The following ZNF536 variants were observed in gnomAD, a reference collection of about 807,000 sequenced individuals.
The protein encoded by ZNF536 is zinc finger protein 536.
Under a neutral mutation model 84.5 loss-of-function variants are expected in ZNF536, and 13 were observed. The ratio of observed to expected loss-of-function variants is 0.15; its 90% CI spans 0.10 to 0.24. The LOEUF is 0.24. Ranked by LOEUF, ZNF536 falls within the 10% of genes least tolerant of loss-of-function variation. The pLI is 1.00. For missense variants in ZNF536, 1,536 were observed against 1,747.5 expected (o/e 0.88, Z 2.16); for synonymous variants, 811 against 742.5 (o/e 1.09, Z -1.50).
intron 1 of ZNF536, among the ~76,000 whole-genome samples, chr19:30,264,698 G>C (rs1331051012): frequency 6.6e-6 from 1 of 152,150 alleles, no homozygotes; most frequent in Non-Finnish European, 1.5e-5. Flanking sequence ...ACGTCTCACA[G>C]GGAAGTTTAA....
chr19:30,603,887 C>A (rs538155200), intron 1 of ZNF536, among the ~76,000 whole-genome samples: 6 of 152,208 alleles, frequency 3.9e-5, no homozygotes, highest in African/African-American at 1.4e-4. Flanking sequence ...ATCAGGAGTT[C>A]GAGACCAGCC....
intron 1 of ZNF536, among the ~76,000 whole-genome samples, chr19:30,666,170 A>G (rs1165596319): frequency 6.6e-6 from 1 of 152,152 alleles, no homozygotes; most frequent in Non-Finnish European, 1.5e-5. Flanking sequence ...TCGCTTGCTG[A>G]TCACGGCTCA....
chr19:30,643,788 C>G (rs2049358807), intron 1 of ZNF536, among the ~76,000 whole-genome samples: 1 of 152,108 alleles, frequency 6.6e-6, no homozygotes, highest in Non-Finnish European at 1.5e-5. Flanking sequence ...GTGGTGCTTA[C>G]ATCTCCCCCA....
At chr19:30,434,858 GATA>G (rs773950903) in intron 1 of ZNF536, among the ~76,000 whole-genome samples, 17 of 151,404 alleles carry the variant, frequency 1.1e-4, no homozygotes, top group Admixed American at 3.9e-4. Flanking sequence ...TGATGATGGT[GATA>G]ATGATGATGA....
At chr19:30,487,034 C>A (rs557459326) in intron 2 of ZNF536, among the ~76,000 whole-genome samples, 1 of 152,314 alleles carries the variant, frequency 6.6e-6, no homozygotes, top group South Asian at 2.1e-4. Flanking sequence ...GAAACTCCTG[C>A]CTGCCAGGGA....
In ZNF536 at chr19:30,443,549, C is replaced by G. The variant is rs553428691; in HGVS notation, c.-2-12C>G. The G allele has an allele frequency of 2.4e-5, 36 of 1,525,402 alleles. 1 individual carries two copies. In the South Asian group the frequency reaches 4.6e-4, roughly 20 times the overall value. The allele number at this position is 1,525,402 out of a possible 1,614,324, so 94.5% of individuals were successfully genotyped here. On this transcript the variant is annotated splice_polypyrimidine_tract_variant and intron_variant, in intron 1 of 4. Coordinates refer to ENST00000355537, the MANE Select transcript of ZNF536 (RefSeq NM_014717.3). ...CACCTGGCACGGATCTGAACTCTGC[C>G]TCTCTTTTCAGGGATGGAAGAAGCG...
chr19:30,375,311 G>A (rs1339029765), intron 1 of ZNF536, among the ~76,000 whole-genome samples: 2 of 151,402 alleles, frequency 1.3e-5, no homozygotes, highest in Non-Finnish European at 2.9e-5. Context: ...TCACCTTACG[G>A]AGGGGAGATA....
chr19:30,452,287 T>G (rs1189193103), intron 2 of ZNF536, among the ~76,000 whole-genome samples: 2 of 152,240 alleles, frequency 1.3e-5, no homozygotes, highest in Non-Finnish European at 2.9e-5. Flanking sequence ...GCCGCCCAGA[T>G]CCCTTCACTG....
chr19:30,242,574 G>A (rs2024012952), intron 1 of ZNF536, among the ~76,000 whole-genome samples: 1 of 152,148 alleles, frequency 6.6e-6, no homozygotes, highest in Non-Finnish European at 1.5e-5. Flanking sequence ...TCTCCACAAA[G>A]CAGGGTCCCT....
intron 2 of ZNF536, among the ~76,000 whole-genome samples, chr19:30,285,132 T>C (rs913941510): frequency 6.6e-6 from 1 of 152,264 alleles, no homozygotes; most frequent in Non-Finnish European, 1.5e-5. Context: ...AATAATAGTG[T>C]ACCATTATAT....
intron 2 of ZNF536, among the ~76,000 whole-genome samples, chr19:30,496,624 G>A (rs1008448094): frequency 2.6e-5 from 4 of 152,148 alleles, no homozygotes; most frequent in Admixed American, 2.6e-4. Flanking sequence ...TATGGGGAAA[G>A]GCAGCAGAGG....
intron 1 of ZNF536, among the ~76,000 whole-genome samples, chr19:30,673,173 G>GC (rs2050623241): frequency 6.6e-6 from 1 of 152,176 alleles, no homozygotes; most frequent in East Asian, 1.9e-4. Flanking sequence ...AGCTGTTCCA[G>GC]CCCGCCTAGG....
intron 1 of ZNF536, among the ~76,000 whole-genome samples, chr19:30,258,169 T>C (rs2025008183): frequency 6.6e-6 from 1 of 152,232 alleles, no homozygotes; most frequent in Non-Finnish European, 1.5e-5. Context: ...TAGTTGGCCA[T>C]GGAGACGTCA....
intron 2 of ZNF536, among the ~76,000 whole-genome samples, chr19:30,466,483 G>A (rs938244672): frequency 6.6e-6 from 1 of 151,646 alleles, no homozygotes; most frequent in Non-Finnish European, 1.5e-5. Flanking sequence ...AGGATTGCTT[G>A]AGCCCAGGAG....
chr19:30,250,976 A>G (rs747354241), intron 1 of ZNF536, among the ~76,000 whole-genome samples: 1 of 151,810 alleles, frequency 6.6e-6, no homozygotes, highest in Non-Finnish European at 1.5e-5. Flanking sequence ...TGGTCTGTCC[A>G]TGATGTTACA....
At chr19:30,674,136 A>C (rs2050667296) in intron 1 of ZNF536, among the ~76,000 whole-genome samples, 1 of 152,192 alleles carries the variant, frequency 6.6e-6, no homozygotes, top group South Asian at 2.1e-4. Flanking sequence ...GAGCTGAGGC[A>C]CTCGGAAATA....
intron 1 of ZNF536, among the ~76,000 whole-genome samples, chr19:30,710,357 C>T (rs2052413959): frequency 6.6e-6 from 1 of 152,140 alleles, no homozygotes; most frequent in South Asian, 2.1e-4. Flanking sequence ...GCCTAGGCAA[C>T]ATAGCGAGAT....
Position 30,295,280 on chromosome 19 carries a change from G to A in ZNF536, c.-120+11139G>A, listed in dbSNP as rs58371302. On this transcript the variant is annotated intron_variant, in intron 2 of 5. Transcript: ENST00000585628. ...TTAAGACCCGCCAATGTCTAGGTCTGCTCCCAGGCCAATCAAATCAGGACT... is the reference window on the plus strand; with the variant it reads ...TTAAGACCCGCCAATGTCTAGGTCTACTCCCAGGCCAATCAAATCAGGACT... Among the ~76,000 whole-genome samples the A allele has an allele frequency of 9.6e-3, 1,455 of 151,740 alleles. 27 individuals carry two copies. Among genetic ancestry groups the A allele is most frequent in the African/African-American group, 0.034 (1,390 of 41,332 alleles).
rs2145934541 is a variant in ZNF536 at position 30,534,916 on chromosome 19, G to A, written c.2240G>A (p.Gly747Asp). 1 of 1,613,974 alleles carries A rather than the reference G, an allele frequency of 6.2e-7. No homozygotes were observed. The highest frequency in any genetic ancestry group is 8.5e-7 in the Non-Finnish European group (1 of 1,179,920). Reference protein sequence around the residue: ...QPALLRDRSLGSAMKDCPYCG... With the variant: ...QPALLRDRSLDSAMKDCPYCG... The stretch of plus-strand genomic sequence containing the variant: ...GCGCTGCTTCGCGACAGAAGCCTGG[G>A]CTCGGCCATGAAGGACTGCCCGTAC... Residue 747 changes from glycine to aspartate, a missense_variant, in exon 3 of 5, where the codon GGC (glycine) becomes GAC (aspartate). Around this residue, in one of 8 missense-constraint regions of ZNF536, gnomAD observed 148 missense variants for 205.4 expected, o/e 0.72. Transcript: ENST00000355537.
Sources: allele counts gnomAD v4.1 joint callset (sites outside exome capture counted in the v4.1 genomes callset), GRCh38; gene constraint gnomAD v4.1.1; regional missense constraint gnomAD v4.1.1; transcripts MANE v1.5; gene names NCBI Gene and HGNC (gene_info 2026-07-23, HGNC 2026-07-21).